Variants in SYNPR observed in about 807,000 individuals in gnomAD.
SYNPR encodes the protein synaptoporin.
In SYNPR, 23 loss-of-function variants were observed where a neutral mutation model predicts 32.9. The observed-to-expected ratio is 0.70, with a 90% CI of 0.50 to 0.99. SYNPR has a LOEUF of 0.99. Ranked by LOEUF, SYNPR falls within the 50% of genes least tolerant of loss-of-function variation. The probability of loss-of-function intolerance (pLI) is 0.00; values close to 1 mark genes in which losing one functional copy is unlikely to be tolerated. For synonymous variants in SYNPR, 146 were observed against 135.9 expected (o/e 1.07, Z -0.52); for missense variants, 318 against 349.3 (o/e 0.91, Z 0.71).
intron 2 of SYNPR, among the ~76,000 whole-genome samples, chr3:63,300,969 C>A (rs1334109729): frequency 1.3e-5 from 2 of 151,918 alleles, no homozygotes; most frequent in African/African-American, 2.4e-5. Flanking sequence ...CTAAAAAAAA[C>A]CATATTGGCA....
At chr3:63,207,541 T>A in the SYNPR span, among the ~76,000 whole-genome samples, 2 of 152,202 alleles carry the variant, frequency 1.3e-5, no homozygotes, top group Non-Finnish European at 2.9e-5. Flanking sequence ...AACTTCTTTA[T>A]ATGGACTTAT....
At chr3:63,325,637 A>T (rs1446594752) in intron 2 of SYNPR, among the ~76,000 whole-genome samples, 1 of 152,010 alleles carries the variant, frequency 6.6e-6, no homozygotes, top group East Asian at 1.9e-4. Flanking sequence ...GTCAGATTTC[A>T]ACACACTCCA....
At chr3:63,508,833 A>G (rs187364151) in intron 3 of SYNPR, among the ~76,000 whole-genome samples, 88 of 152,264 alleles carry the variant, frequency 5.8e-4, no homozygotes, top group African/African-American at 1.9e-3. Flanking sequence ...AGGGAAAGCT[A>G]TTCCCAGAAG....
chr3:63,263,449 A>G (rs531503470), intron 2 of SYNPR, among the ~76,000 whole-genome samples: 12 of 152,380 alleles, frequency 7.9e-5, no homozygotes, highest in African/African-American at 1.7e-4. Context: ...CTTTATGCCA[A>G]TTAAAATTGC....
intron 2 of SYNPR, among the ~76,000 whole-genome samples, chr3:63,385,816 G>C (rs978541948): frequency 6.6e-6 from 1 of 152,140 alleles, no homozygotes; most frequent in Non-Finnish European, 1.5e-5. Context: ...GATGATGGGG[G>C]CTGTCAACAG....
chr3:63,578,436 G>C (rs1402597976), intron 4 of SYNPR, among the ~76,000 whole-genome samples: 2 of 152,122 alleles, frequency 1.3e-5, no homozygotes, highest in African/African-American at 2.4e-5. Context: ...AGGAGCATAG[G>C]TCTTCCATGT....
intron 1 of SYNPR, among the ~76,000 whole-genome samples, chr3:63,246,212 TTAAA>T (rs1275576632): frequency 6.6e-6 from 1 of 152,088 alleles, no homozygotes; most frequent in Non-Finnish European, 1.5e-5. Context: ...ACTGACATAA[TTAAA>T]TATTCTTTTG....
intron 2 of SYNPR, among the ~76,000 whole-genome samples, chr3:63,360,147 A>G (rs1056096932): frequency 6.6e-6 from 1 of 152,272 alleles, no homozygotes; most frequent in African/African-American, 2.4e-5. Context: ...TTATCTCTCC[A>G]AACTCCAGCA....
chr3:63,330,335 A>G (rs1226931007), intron 2 of SYNPR: 2 of 145,340 alleles, frequency 1.4e-5, no homozygotes, highest in Non-Finnish European at 2.9e-5. Flanking sequence ...TTGCTTAAGG[A>G]AAATAACACT....
At chr3:63,539,117 A>C (rs1505599) in intron 3 of SYNPR, among the ~76,000 whole-genome samples, 34,593 of 151,894 alleles carry the variant, frequency 0.23, 4,058 homozygotes, top group East Asian at 0.33. Flanking sequence ...GCACCAGGAC[A>C]TCTGTTGTTT....
chr3:63,344,550 ATTTTTTTTTT>A (rs10627844), intron 2 of SYNPR, among the ~76,000 whole-genome samples: 9 of 130,542 alleles, frequency 6.9e-5, no homozygotes, highest in African/African-American at 2.6e-4. Flanking sequence ...TTCAAAAAAG[ATTTTTTTTTT>A]TTTTTTTTTT....
chr3:63,258,237 G>T (rs1250954253), intron 2 of SYNPR, among the ~76,000 whole-genome samples: 2 of 152,150 alleles, frequency 1.3e-5, no homozygotes, highest in East Asian at 3.8e-4. Context: ...GACATCTACA[G>T]AACTCTCCAC....
chr3:63,217,716 T>C, the SYNPR span, among the ~76,000 whole-genome samples: 1 of 152,172 alleles, frequency 6.6e-6, no homozygotes, highest in Non-Finnish European at 1.5e-5. Flanking sequence ...TTCCTATTCC[T>C]TGAATCTTTC....
chr3:63,323,452 T>C (rs892454642), intron 2 of SYNPR, among the ~76,000 whole-genome samples: 1 of 152,098 alleles, frequency 6.6e-6, no homozygotes, highest in Non-Finnish European at 1.5e-5. Flanking sequence ...GAAGATTAAA[T>C]CCTTGAACTT....
intron 4 of SYNPR, among the ~76,000 whole-genome samples, chr3:63,581,552 C>T (rs17031749): frequency 0.04 from 5,809 of 145,188 alleles, 405 homozygotes; most frequent in African/African-American, 0.14. Flanking sequence ...GGCAACCTGC[C>T]ATCTCATCAA....
At chr3:63,223,128 G>A in the SYNPR span, among the ~76,000 whole-genome samples, 1 of 151,938 alleles carries the variant, frequency 6.6e-6, no homozygotes, top group Non-Finnish European at 1.5e-5. Context: ...TTTACTGCTT[G>A]GGCCTGGAAG....
intron 2 of SYNPR, among the ~76,000 whole-genome samples, chr3:63,253,507 A>G (rs2086355517): frequency 6.6e-6 from 1 of 152,212 alleles, no homozygotes; most frequent in Admixed American, 6.5e-5. Flanking sequence ...CATTCTATAT[A>G]TTGTATTTGT....
chr3:63,224,443 T>C (rs956468609), upstream of SYNPR, among the ~76,000 whole-genome samples: 2 of 152,190 alleles, frequency 1.3e-5, no homozygotes, highest in Non-Finnish European at 2.9e-5. Context: ...ATAGAAGACA[T>C]GACTAATTTT....
At chr3:63,389,568 T>C (rs1217398416) in intron 2 of SYNPR, among the ~76,000 whole-genome samples, 1 of 152,158 alleles carries the variant, frequency 6.6e-6, no homozygotes, top group African/African-American at 2.4e-5. Flanking sequence ...GGTTGGCAGG[T>C]AAGGTATCTG....
Sources: gnomAD v4.1 joint callset for allele counts (sites outside exome capture counted in the v4.1 genomes callset) on GRCh38, gnomAD v4.1.1 for gene constraint, MANE v1.5 for transcripts, NCBI Gene and HGNC (gene_info 2026-07-23, HGNC 2026-07-21) for gene names.